Variants in PPARGC1A observed in about 807,000 individuals in gnomAD.
PPARGC1A encodes the protein PPARG coactivator 1 alpha.
Under a neutral mutation model 88.7 loss-of-function variants are expected in PPARGC1A, and 25 were observed. The observed-to-expected ratio is 0.28, with a 90% confidence interval of 0.21 to 0.39. The LOEUF is 0.39. PPARGC1A is among the 10% of genes least tolerant of loss of function. The pLI is 1.00. For synonymous variants in PPARGC1A, 363 were observed against 355.6 expected, an observed-to-expected ratio of 1.02 and a Z score of -0.24; for missense variants, 880 against 968.7, an observed-to-expected ratio of 0.91 and a Z score of 1.22.
the PPARGC1A span, among the ~76,000 whole-genome samples, chr4:24,281,643 T>C: frequency 6.6e-6 from 1 of 152,168 alleles, no homozygotes; most frequent in Non-Finnish European, 1.5e-5. Flanking sequence ...AACACTACAA[T>C]TTATTGAATA....
chr4:24,065,645 A>G, the PPARGC1A span, among the ~76,000 whole-genome samples: 2 of 152,130 alleles, frequency 1.3e-5, no homozygotes, highest in Middle Eastern at 3.4e-3. Flanking sequence ...ACAAACACCA[A>G]TTGAGAGCCT....
chr4:23,894,798 G>A (rs1718330781), upstream of PPARGC1A, among the ~76,000 whole-genome samples: 1 of 152,136 alleles, frequency 6.6e-6, no homozygotes, highest in Non-Finnish European at 1.5e-5. Context: ...ATTAAGCACA[G>A]AGATAAGAGA....
At chr4:24,152,729 A>G in the PPARGC1A span, among the ~76,000 whole-genome samples, 2,597 of 152,338 alleles carry the variant, frequency 0.017, 77 homozygotes, top group African/African-American at 0.059. Context: ...TGAGATTCCA[A>G]TCACTGCAAA....
At chr4:24,352,481 G>A in the PPARGC1A span, among the ~76,000 whole-genome samples, 1 of 152,190 alleles carries the variant, frequency 6.6e-6, no homozygotes. Flanking sequence ...ATAGGTGAGG[G>A]TGCCCAGAGA....
At chr4:23,823,122 TA>T (rs3834209) in intron 7 of PPARGC1A, among the ~76,000 whole-genome samples, 3 of 150,388 alleles carry the variant, frequency 2.0e-5, no homozygotes, top group Non-Finnish European at 3.0e-5. Flanking sequence ...AATATTCCTG[TA>T]AAAAAAAACT....
At chr4:23,891,719 C>T (rs559338837), upstream of PPARGC1A, among the ~76,000 whole-genome samples, 77 of 152,290 alleles carry the variant, frequency 5.1e-4, no homozygotes, top group Non-Finnish European at 8.8e-4. Context: ...TTGCTGAATA[C>T]AGTTCACCAG....
the PPARGC1A span, among the ~76,000 whole-genome samples, chr4:24,061,674 G>T: frequency 0.89 from 136,185 of 152,258 alleles, 60,961 homozygotes; most frequent in Admixed American, 0.94. Context: ...TTGCTGAGGT[G>T]TCTCCAGGCT....
chr4:23,840,753 C>T (rs1047314370), intron 2 of PPARGC1A, among the ~76,000 whole-genome samples: 3 of 152,036 alleles, frequency 2.0e-5, no homozygotes, highest in Non-Finnish European at 2.9e-5. Flanking sequence ...TCTAATCCAT[C>T]CTGATAATAT....
chr4:23,883,972 T>G (rs77983699), intron 2 of PPARGC1A: 2 of 152,162 alleles, frequency 1.3e-5, no homozygotes, highest in Non-Finnish European at 2.9e-5. Context: ...CTAGCCGATA[T>G]GTCATCCTTC....
chr4:24,407,113 G>A, the PPARGC1A span, among the ~76,000 whole-genome samples: 1 of 152,172 alleles, frequency 6.6e-6, no homozygotes, highest in South Asian at 2.1e-4. Flanking sequence ...AAGCTCCGGA[G>A]GCCTCCAAAG....
At chr4:23,966,015 C>A in the PPARGC1A span, among the ~76,000 whole-genome samples, 1 of 148,830 alleles carries the variant, frequency 6.7e-6, no homozygotes, top group African/African-American at 2.5e-5. Context: ...AAATTACCCA[C>A]CATTTGCAGA....
chr4:24,290,954 T>G, the PPARGC1A span, among the ~76,000 whole-genome samples: 1 of 152,178 alleles, frequency 6.6e-6, no homozygotes, highest in African/African-American at 2.4e-5. Flanking sequence ...TTCCCTGATA[T>G]CTAACAGAAA....
chr4:24,110,164 A>G, the PPARGC1A span, among the ~76,000 whole-genome samples: 2 of 152,138 alleles, frequency 1.3e-5, no homozygotes, highest in African/African-American at 4.8e-5. Flanking sequence ...CAGTGCCCTC[A>G]CCTAGCCATC....
At chr4:23,809,344 C>G (rs1341285397) in intron 10 of PPARGC1A, among the ~76,000 whole-genome samples, 1 of 152,100 alleles carries the variant, frequency 6.6e-6, no homozygotes. Context: ...TTCCATGATG[C>G]CTTCAAGATA....
At chr4:23,999,959 T>C in the PPARGC1A span, among the ~76,000 whole-genome samples, 2 of 151,980 alleles carry the variant, frequency 1.3e-5, no homozygotes, top group African/African-American at 4.8e-5. Flanking sequence ...GAGGGTCGAG[T>C]TGATGAGACG....
chr4:24,149,921 T>C, the PPARGC1A span, among the ~76,000 whole-genome samples: 3 of 152,184 alleles, frequency 2.0e-5, no homozygotes, highest in Non-Finnish European at 4.4e-5. Flanking sequence ...AATTCATTGA[T>C]CTGGAATAGG....
chr4:24,369,969 T>G, the PPARGC1A span, among the ~76,000 whole-genome samples: 1 of 152,212 alleles, frequency 6.6e-6, no homozygotes, highest in South Asian at 2.1e-4. Flanking sequence ...TATCTCCTTT[T>G]CAATCACTGT....
chr4:23,809,147 T>C (rs891026703), intron 10 of PPARGC1A, among the ~76,000 whole-genome samples: 12 of 152,180 alleles, frequency 7.9e-5, no homozygotes, highest in African/African-American at 2.7e-4. Context: ...CTGTCCTTGT[T>C]CCCTTAGCTC....
In PPARGC1A at chr4:23,850,034, A is replaced by C. The variant is rs961424506; in HGVS notation, c.235-18283T>G. On this transcript the variant is annotated intron_variant, in intron 2 of 12. Transcript: ENST00000264867. ...GAAAAAATCAGAACAGGGAGTTAGAAGGAGAATGGAATTATCCATAATTTT... is the reference window on the plus strand; with the variant it reads ...GAAAAAATCAGAACAGGGAGTTAGACGGAGAATGGAATTATCCATAATTTT... Among the ~76,000 whole-genome samples the C allele has an allele frequency of 6.6e-5, 10 of 152,208 alleles. No individual in the cohort carries two copies. In the South Asian group the frequency reaches 2.1e-3, roughly 32 times the overall value.
Sources: allele counts gnomAD v4.1 joint callset (sites outside exome capture counted in the v4.1 genomes callset), GRCh38; gene constraint gnomAD v4.1.1; transcripts MANE v1.5; gene names NCBI Gene and HGNC (gene_info 2026-07-23, HGNC 2026-07-21).